Variants in MED13L observed in about 807,000 individuals in gnomAD.
The protein encoded by MED13L is mediator complex subunit 13L, also known as mediator of RNA polymerase II transcription subunit 13-like.
MED13L carries 7 observed loss-of-function variants against 220.9 expected under a neutral mutation model. The ratio of observed to expected loss-of-function variants is 0.03; its 90% CI spans 0.02 to 0.06. MED13L has a LOEUF of 0.06. Ranked by LOEUF, MED13L falls within the 10% of genes least tolerant of loss-of-function variation. The pLI, the probability that MED13L is intolerant of heterozygous loss-of-function variation, is 1.00. For missense variants in MED13L, 1,965 were observed against 2,760.5 expected (o/e 0.71, Z 6.46); for synonymous variants, 1,011 against 1,015.2 (o/e 1.00, Z 0.08).
chr12:116,215,057 A>C (rs1882913891), intron 2 of MED13L, among the ~76,000 whole-genome samples: 1 of 152,194 alleles, frequency 6.6e-6, no homozygotes, highest in Non-Finnish European at 1.5e-5. Flanking sequence ...TGCATAAACT[A>C]AACTAGCAGT....
At chr12:116,235,322 C>G (rs1159250863) in intron 2 of MED13L, among the ~76,000 whole-genome samples, 1 of 152,084 alleles carries the variant, frequency 6.6e-6, no homozygotes, top group Non-Finnish European at 1.5e-5. Flanking sequence ...GTAATACTTT[C>G]CTGATAGAAT....
chr12:116,192,205 C>T (rs1183704190), intron 2 of MED13L, among the ~76,000 whole-genome samples: 1 of 152,190 alleles, frequency 6.6e-6, no homozygotes, highest in Non-Finnish European at 1.5e-5. Context: ...TATGAACAGA[C>T]CCCATCCCTT....
chr12:116,124,296 T>G (rs750847909), intron 2 of MED13L, among the ~76,000 whole-genome samples: 1 of 152,166 alleles, frequency 6.6e-6, no homozygotes, highest in Non-Finnish European at 1.5e-5. Context: ...TATTTCAGCT[T>G]GACAGTCTAT....
chr12:116,118,113 T>C (rs1441241392), intron 2 of MED13L, among the ~76,000 whole-genome samples: 1 of 152,168 alleles, frequency 6.6e-6, no homozygotes, highest in Non-Finnish European at 1.5e-5. Flanking sequence ...GCAGTCAAAA[T>C]TTTTATTTTT....
intron 2 of MED13L, among the ~76,000 whole-genome samples, chr12:116,156,402 TAAAAAA>T (rs11366103): frequency 8.4e-6 from 1 of 119,438 alleles, no homozygotes; most frequent in Admixed American, 8.5e-5. Context: ...TCCAATTACT[TAAAAAA>T]AAAAAAAAAA....
chr12:115,971,219 G>A (rs1027283592), intron 26 of MED13L, among the ~76,000 whole-genome samples: 18 of 152,104 alleles, frequency 1.2e-4, no homozygotes, highest in South Asian at 4.1e-4. Flanking sequence ...TCAAGTCATC[G>A]CATTTGATCA....
chr12:116,258,918 G>GTT (rs768787146), intron 1 of MED13L, among the ~76,000 whole-genome samples: 16 of 138,202 alleles, frequency 1.2e-4, no homozygotes, highest in East Asian at 2.0e-4. Context: ...AATATTGAGG[G>GTT]TTTTTTTTTT....
intron 4 of MED13L, among the ~76,000 whole-genome samples, chr12:116,034,020 T>C (rs958320712): frequency 1.1e-4 from 17 of 152,110 alleles, no homozygotes; most frequent in African/African-American, 3.9e-4. Context: ...CATATCTCTA[T>C]GGTTCTGCTT....
intron 5 of MED13L, among the ~76,000 whole-genome samples, chr12:116,022,212 T>C (rs1880100007): frequency 6.6e-6 from 1 of 152,226 alleles, no homozygotes; most frequent in Non-Finnish European, 1.5e-5. Flanking sequence ...CTACATTTTA[T>C]TCTTACAAAA....
chr12:116,060,808 A>T (rs1182531271), intron 4 of MED13L, among the ~76,000 whole-genome samples: 1 of 152,144 alleles, frequency 6.6e-6, no homozygotes, highest in Non-Finnish European at 1.5e-5. Context: ...TTAAGCACAC[A>T]CACACACGAG....
At chr12:116,038,133 A>C (rs1484882843) in intron 4 of MED13L, among the ~76,000 whole-genome samples, 1 of 152,130 alleles carries the variant, frequency 6.6e-6, no homozygotes, top group Non-Finnish European at 1.5e-5. Flanking sequence ...GTAACCACCA[A>C]AGTATTTTTA....
At position 116,109,593 on chromosome 12, in the gene MED13L, A is replaced by G. The variant is rs577421001; in HGVS notation, c.395+1835T>C. Among the ~76,000 whole-genome samples, 253 of 152,374 alleles carry G rather than the reference A, an allele frequency of 1.7e-3. 1 individual carries two copies. Among genetic ancestry groups the G allele is most frequent in the Non-Finnish European group, 3.1e-3 (208 of 68,036 alleles). On this transcript the variant is annotated intron_variant, in intron 3 of 30. Coordinates refer to ENST00000281928, the MANE Select transcript of MED13L (RefSeq NM_015335.5). ...TCACATACCTTGTAACTTTGTATAA[A>G]AAGAATTGTGCTTAAACGTGTGTTA... is the stretch of plus-strand genomic sequence containing the variant.
At chr12:116,259,658 G>T (rs1872351294) in intron 1 of MED13L, among the ~76,000 whole-genome samples, 1 of 152,056 alleles carries the variant, frequency 6.6e-6, no homozygotes, top group South Asian at 2.1e-4. Flanking sequence ...TCTACCTTAT[G>T]TGTGATTTAC....
chr12:116,265,153 A>C (rs1249839988), intron 1 of MED13L, among the ~76,000 whole-genome samples: 1 of 152,048 alleles, frequency 6.6e-6, no homozygotes, highest in Non-Finnish European at 1.5e-5. Flanking sequence ...TTCACTCCTT[A>C]CACCTCTCCC....
chr12:115,986,381 A>C lies in MED13L; in HGVS notation c.4223T>G (p.Leu1408Trp). The C allele has an allele frequency of 6.2e-7, 1 of 1,614,204 alleles. No individual in the cohort carries two copies. The highest frequency in any genetic ancestry group is 8.5e-7 in the Non-Finnish European group (1 of 1,180,018). The change falls in exon 19 of 31, where the codon TTG becomes TGG. Residue 1408 changes from leucine (L) to tryptophan (W), a missense_variant. By Grantham distance (61) the Leu-to-Trp change is moderately conservative. Transcript: ENST00000281928. ...ACGGTGGCCCCCATATGGGTCCAAC[A>C]AGAGCCTCTCCCAAAACGGCAAGGA... ...PFSLPFWERLLLDPYGGHRDV... is the reference protein window; with the variant it reads ...PFSLPFWERLWLDPYGGHRDV...
chr12:116,132,210 G>A (rs774418390), intron 2 of MED13L, among the ~76,000 whole-genome samples: 11 of 148,332 alleles, frequency 7.4e-5, no homozygotes, highest in Non-Finnish European at 6.0e-5. Context: ...AACCTGAGAG[G>A]CAGAGACTGC....
intron 5 of MED13L, 146 bp from the exon 6 acceptor site, chr12:116,020,118 A>C (rs1879970195): frequency 1.2e-6 from 1 of 811,138 alleles, no homozygotes; most frequent in Non-Finnish European, 1.9e-6. Context: ...AGTATGATTT[A>C]AAAGAAATTT....
At chr12:115,986,674 A>G (rs1877712756) in intron 18 of MED13L, among the ~76,000 whole-genome samples, 185 bp from the exon 19 acceptor site, 1 of 151,950 alleles carries the variant, frequency 6.6e-6, no homozygotes, top group Admixed American at 6.5e-5. Flanking sequence ...CTCTTAATTA[A>G]GTAAGTCAGA....
chr12:116,078,565 C>G (rs929452557), intron 4 of MED13L, among the ~76,000 whole-genome samples: 2 of 152,086 alleles, frequency 1.3e-5, no homozygotes, highest in Non-Finnish European at 2.9e-5. Context: ...AATTATAACC[C>G]CAAGGCAAAT....
Sources: allele counts gnomAD v4.1 joint callset (sites outside exome capture counted in the v4.1 genomes callset), GRCh38; gene constraint gnomAD v4.1.1; transcripts MANE v1.5; gene names NCBI Gene and HGNC (gene_info 2026-07-23, HGNC 2026-07-21).